Variants in MICOS10 observed in about 807,000 individuals in gnomAD.
MICOS10 encodes mitochondrial contact site and cristae organizing system subunit 10, also known as MICOS complex subunit MIC10.
In MICOS10, 5 loss-of-function variants were observed where a neutral mutation model predicts 13.4. The observed-to-expected ratio is 0.37, with a 90% CI of 0.20 to 0.78. MICOS10 has a LOEUF of 0.78. MICOS10 is among the 30% of genes least tolerant of loss of function. MICOS10 has a pLI of 0.47. For missense variants in MICOS10, 101 were observed against 94.6 expected, an observed-to-expected ratio of 1.07 and a Z score of -0.28; for synonymous variants, 35 against 33.6, an observed-to-expected ratio of 1.04 and a Z score of -0.15.
At chr1:19,620,558 C>T (rs571869296) in intron 1 of MICOS10, among the ~76,000 whole-genome samples, 2 of 152,068 alleles carry the variant, frequency 1.3e-5, no homozygotes, top group Non-Finnish European at 2.9e-5. Context: ...ATACAGCAGC[C>T]CAGTTGAACT....
intron 1 of MICOS10, among the ~76,000 whole-genome samples, chr1:19,606,765 GAA>G (rs2094836349): frequency 6.6e-6 from 1 of 151,298 alleles, no homozygotes; most frequent in African/African-American, 2.4e-5. Context: ...AAAAAAGAAA[GAA>G]AAAAAGTAGG....
intron 1 of MICOS10, among the ~76,000 whole-genome samples, chr1:19,615,249 A>C (rs2094879195): frequency 6.6e-6 from 1 of 152,182 alleles, no homozygotes; most frequent in African/African-American, 2.4e-5. Flanking sequence ...GTGCTCAGTA[A>C]ATATTTGGAC....
chr1:19,608,638 C>A, intron 1 of MICOS10: 1 of 681,882 alleles, frequency 1.5e-6, no homozygotes, highest in Non-Finnish European at 2.6e-6. Context: ...AAAAGTGAAA[C>A]CTGTAAGAGA....
At chr1:19,608,551 C>T (rs1039156112) in intron 1 of MICOS10, 13 of 926,552 alleles carry the variant, frequency 1.4e-5, no homozygotes, top group East Asian at 4.8e-5. Context: ...AGGGGGTCAC[C>T]GTGGTCGCCG....
intron 1 of MICOS10, among the ~76,000 whole-genome samples, chr1:19,608,870 T>C (rs1286439261): frequency 2.0e-5 from 3 of 151,728 alleles, no homozygotes. Context: ...AATTTTAAGG[T>C]TCCCCCCCAC....
intron 1 of MICOS10, among the ~76,000 whole-genome samples, chr1:19,604,498 G>C (rs1234151602): frequency 6.6e-6 from 1 of 152,154 alleles, no homozygotes; most frequent in Non-Finnish European, 1.5e-5. Context: ...AACAGAGTGA[G>C]ACTTGGTCTC....
chr1:19,626,243 A>G (rs1239024896), intron 3 of MICOS10, 144 bp from the exon 4 acceptor site: 3 of 878,108 alleles, frequency 3.4e-6, no homozygotes, highest in African/African-American at 1.6e-5. Flanking sequence ...GGGTGTACAT[A>G]GTCCTGTTGT....
rs745489300 is a variant in MICOS10 at position 19,609,409 on chromosome 1, G to A, written c.64+12300G>A. On this transcript the variant is annotated intron_variant, in intron 1 of 3. Transcript: ENST00000322753. Reference sequence around the variant, plus strand: ...ACACCGTTCATTGGAATGGGAAATGGTAGAACCACTTTGGAACACTGTTTG... The same window carrying A: ...ACACCGTTCATTGGAATGGGAAATGATAGAACCACTTTGGAACACTGTTTG... 6.0e-4 allele frequency among the ~76,000 whole-genome samples: 91 copies of A among 152,304 alleles called. 3 individuals are homozygous for A. In the Middle Eastern group the frequency reaches 0.014, roughly 23 times the overall value.
At chr1:19,614,667 A>G (rs1446018914) in intron 1 of MICOS10, 1 of 152,096 alleles carries the variant, frequency 6.6e-6, no homozygotes, top group Non-Finnish European at 1.5e-5. Context: ...CTGCCAGCAA[A>G]ATGCTCTTCC....
intron 1 of MICOS10, among the ~76,000 whole-genome samples, chr1:19,619,796 G>A (rs568300047): frequency 6.6e-6 from 1 of 152,276 alleles, no homozygotes; most frequent in African/African-American, 2.4e-5. Context: ...AGGAGTATGT[G>A]CCAATTCTTT....
chr1:19,614,974 TA>T (rs1288580752), intron 1 of MICOS10, among the ~76,000 whole-genome samples: 1 of 152,210 alleles, frequency 6.6e-6, no homozygotes, highest in Non-Finnish European at 1.5e-5. Context: ...CTCTGGCTGT[TA>T]AATGTCTGCC....
At chr1:19,616,794 G>T (rs779639017) in intron 1 of MICOS10, among the ~76,000 whole-genome samples, 9 of 152,098 alleles carry the variant, frequency 5.9e-5, no homozygotes, top group Non-Finnish European at 1.2e-4. Flanking sequence ...TTTTCATAAG[G>T]TTTCATCATA....
intron 1 of MICOS10, among the ~76,000 whole-genome samples, chr1:19,607,798 T>A (rs2094841000): frequency 6.6e-6 from 1 of 152,204 alleles, no homozygotes; most frequent in Non-Finnish European, 1.5e-5. Context: ...AAGTTGAGAT[T>A]CTTGTATTAG....
chr1:19,604,183 A>G (rs775442555), intron 1 of MICOS10, among the ~76,000 whole-genome samples: 29 of 152,208 alleles, frequency 1.9e-4, no homozygotes, highest in Non-Finnish European at 2.9e-4. Flanking sequence ...TCTCTAGAGC[A>G]GTTAGGACGT....
At position 19,627,593 on chromosome 1, in the gene MICOS10, G is replaced by A. The variant is rs1246328503; in HGVS notation, c.*1192G>A. 3 of 152,228 alleles carry A rather than the reference G, an allele frequency of 2.0e-5. No individual in the cohort carries two copies. Among genetic ancestry groups the A allele is most frequent in the East Asian group, 1.9e-4 (1 of 5,192 alleles). 9.4% of individuals were successfully genotyped at this position (152,228 alleles called of 1,614,324 possible). A position where few individuals can be genotyped will look rare whatever the true frequency, so the allele number is the denominator to read the frequency against. On this transcript the variant is annotated 3_prime_UTR_variant, in exon 4 of 4. Transcript: ENST00000322753. ...TCCCTAGGATGGCCCCACAGGCGAC[G>A]GAATGCCTGCGCTGGGACCCGAAGT... is the stretch of plus-strand genomic sequence containing the variant.
chr1:19,612,187 C>T (rs1200149459), intron 1 of MICOS10, among the ~76,000 whole-genome samples: 5 of 150,432 alleles, frequency 3.3e-5, no homozygotes, highest in African/African-American at 4.9e-5. Context: ...GGACTACAGG[C>T]GCCCACCACC....
chr1:19,624,910 A>G (rs116779685), intron 3 of MICOS10, among the ~76,000 whole-genome samples: 4,933 of 152,282 alleles, frequency 0.032, 110 homozygotes, highest in Middle Eastern at 0.085. Flanking sequence ...TAGCAGCACA[A>G]TTTTCAGTGA....
At chr1:19,624,551 G>A (rs2792052) in intron 3 of MICOS10, among the ~76,000 whole-genome samples, 15,088 of 152,198 alleles carry the variant, frequency 0.099, 2,515 homozygotes, top group African/African-American at 0.34. Context: ...GCCTCCCAAA[G>A]TGCTGGGATT....
At chr1:19,597,216 C>G in intron 1 of MICOS10, 107 bp downstream of exon 1, 1 of 1,189,080 alleles carries the variant, frequency 8.4e-7, no homozygotes, top group South Asian at 1.5e-5. Flanking sequence ...TCAGGCCTCT[C>G]GGCCTTTTCC....
Sources: gnomAD v4.1 joint callset for allele counts (sites outside exome capture counted in the v4.1 genomes callset) on GRCh38, gnomAD v4.1.1 for gene constraint, MANE v1.5 for transcripts, NCBI Gene and HGNC (gene_info 2026-07-23, HGNC 2026-07-21) for gene names.